Variants in MCUB observed in about 807,000 individuals in gnomAD.
MCUB encodes calcium uniporter regulatory subunit MCUb, mitochondrial.
In MCUB, 46 loss-of-function variants were observed where a neutral mutation model predicts 41.4. The observed-to-expected ratio is 1.11, with a 90% confidence interval of 0.88 to 1.42. MCUB has a LOEUF of 1.42. MCUB is among the 40% of genes most tolerant of loss of function. The pLI, the probability that MCUB is intolerant of heterozygous loss-of-function variation, is 0.00. For synonymous variants in MCUB, 148 were observed against 148.2 expected (o/e 1.00, Z 0.01); for missense variants, 403 against 404.9 (o/e 1.00, Z 0.04).
chr4:109,636,031 C>T (rs1397373955), intron 1 of MCUB, among the ~76,000 whole-genome samples: 2 of 152,140 alleles, frequency 1.3e-5, no homozygotes, highest in African/African-American at 4.8e-5. Context: ...TTGACACTCC[C>T]AACAGTAGTG....
intron 1 of MCUB, among the ~76,000 whole-genome samples, chr4:109,583,183 TC>T (rs1196867492): frequency 3.3e-5 from 5 of 152,224 alleles, no homozygotes; most frequent in Admixed American, 1.3e-4. Flanking sequence ...TACTGATTCT[TC>T]CTATCCATGG....
Position 109,676,281 on chromosome 4 carries a change from A to C in MCUB, c.452-6301A>C, listed in dbSNP as rs866819406. 2.6e-5 allele frequency among the ~76,000 whole-genome samples: 4 copies of C among 152,314 alleles called. No individual in the cohort carries two copies. The South Asian group carries it at 6.2e-4, about 24-fold the overall frequency. On this transcript the variant is annotated intron_variant, in intron 4 of 7. Transcript: ENST00000394650. The stretch of plus-strand genomic sequence containing the variant: ...AGGCTGGGTGTGGTGACTCGCACCT[A>C]TAATCCCGGCACTTTAGGAGGCTGA...
chr4:109,606,132 G>A lies in MCUB; in HGVS notation c.99+45696G>A, dbSNP rs190422159. On this transcript the variant is annotated intron_variant, in intron 1 of 7. Transcript: ENST00000394650. The stretch of plus-strand genomic sequence containing the variant: ...TGGGACTACAGGCACCTGCCACCAC[G>A]CCCAGCTAATATTTTGTATTTTTAG... 3.3e-3 allele frequency among the ~76,000 whole-genome samples: 508 copies of A among 152,022 alleles called. 2 individuals carry two copies. The highest frequency in any genetic ancestry group is 0.012 in the African/African-American group (483 of 41,452).
chr4:109,609,021 A>G (rs1373468700), intron 1 of MCUB, among the ~76,000 whole-genome samples: 3 of 152,082 alleles, frequency 2.0e-5, no homozygotes, highest in Non-Finnish European at 2.9e-5. Context: ...ATTACCAGAC[A>G]GAGACTCTGT....
In MCUB at chr4:109,687,543, A is replaced by ATTCT; in HGVS notation, c.963_966dup (p.Leu323PhefsTer13). 2 of 1,613,044 alleles carry ATTCT rather than the reference A, an allele frequency of 1.2e-6. No individual in the cohort carries two copies. Among genetic ancestry groups the ATTCT allele is most frequent in the Admixed American group, 1.7e-5 (1 of 59,968 alleles). On this transcript the variant is annotated frameshift_variant, in exon 8 of 8. Coordinates refer to ENST00000394650, the MANE Select transcript of MCUB (RefSeq NM_017918.5). LOFTEE classifies it low-confidence loss of function (END_TRUNC). ...AAAGAATCCCTGAAACAGGCGCGTC[A>ATTCT]TTCTCTCTGTTTGCAAATGCAAGTA...
In MCUB at chr4:109,688,534, A is replaced by G. The variant is rs1205386901; in HGVS notation, c.*942A>G. On this transcript the variant is annotated 3_prime_UTR_variant, in exon 8 of 8. Transcript: ENST00000394650. ...ACACAAAATGTGGTAATTCATATGT[A>G]GATGAAATATTAAACATTTAAATGA... is the stretch of plus-strand genomic sequence containing the variant. 2 of 152,262 alleles carry G rather than the reference A, an allele frequency of 1.3e-5. No individual in the cohort carries two copies. The highest frequency in any genetic ancestry group is 2.9e-5 in the Non-Finnish European group (2 of 68,046). 9.4% of individuals were successfully genotyped at this position (152,262 alleles called of 1,614,324 possible). A position where few individuals can be genotyped will look rare whatever the true frequency, so the allele number is the denominator to read the frequency against.
chr4:109,589,465 C>A (rs181930146), intron 1 of MCUB, among the ~76,000 whole-genome samples: 2 of 152,304 alleles, frequency 1.3e-5, no homozygotes, highest in Admixed American at 1.3e-4. Flanking sequence ...AGCCTTCACC[C>A]ACTTACTTTA....
intron 1 of MCUB, among the ~76,000 whole-genome samples, chr4:109,593,652 G>C (rs949207075): frequency 1.3e-5 from 2 of 152,220 alleles, no homozygotes; most frequent in Non-Finnish European, 1.5e-5. Flanking sequence ...AGACTTACTT[G>C]AAAAGCAGCT....
At chr4:109,627,059 AT>A (rs1176440679) in intron 1 of MCUB, among the ~76,000 whole-genome samples, 1 of 152,216 alleles carries the variant, frequency 6.6e-6, no homozygotes, top group Non-Finnish European at 1.5e-5. Context: ...CTAATGTCAT[AT>A]GTTGAATTAG....
At chr4:109,673,522 GTC>G (rs777283933) in intron 4 of MCUB, among the ~76,000 whole-genome samples, 19 of 152,198 alleles carry the variant, frequency 1.2e-4, no homozygotes, top group Non-Finnish European at 2.4e-4. Context: ...GACTTGCCAA[GTC>G]TCACAGTGTA....
At chr4:109,645,005 T>C (rs1272107461) in intron 1 of MCUB, among the ~76,000 whole-genome samples, 2 of 152,200 alleles carry the variant, frequency 1.3e-5, no homozygotes, top group East Asian at 3.8e-4. Context: ...TCGGCATTCC[T>C]GGAGCAACAA....
At chr4:109,644,748 C>A (rs1282625437) in intron 1 of MCUB, among the ~76,000 whole-genome samples, 4 of 152,206 alleles carry the variant, frequency 2.6e-5, no homozygotes, top group African/African-American at 4.8e-5. Context: ...TTCACCATTA[C>A]ACCTAAATTG....
chr4:109,642,960 A>AT (rs1728752950), intron 1 of MCUB, among the ~76,000 whole-genome samples: 1 of 140,908 alleles, frequency 7.1e-6, no homozygotes, highest in South Asian at 2.2e-4. Flanking sequence ...CAATGGCGTA[A>AT]TTTTTTGTAT....
intron 1 of MCUB, among the ~76,000 whole-genome samples, chr4:109,598,366 G>A (rs1211746173): frequency 6.6e-6 from 1 of 152,194 alleles, no homozygotes; most frequent in Non-Finnish European, 1.5e-5. Context: ...GCCGAGGCTG[G>A]CGGATCACTC....
At chr4:109,671,159 G>A (rs1435844061) in intron 4 of MCUB, among the ~76,000 whole-genome samples, 1 of 152,200 alleles carries the variant, frequency 6.6e-6, no homozygotes, top group Non-Finnish European at 1.5e-5. Context: ...TGTTAGGATG[G>A]ACTGACAACT....
chr4:109,664,204 C>A (rs62327695), intron 3 of MCUB, 86 bp from the exon 4 acceptor site: 2 of 733,524 alleles, frequency 2.7e-6, no homozygotes, highest in African/African-American at 1.8e-5. Flanking sequence ...TTGTAAAGAC[C>A]TGGGTTAGTA....
chr4:109,587,104 G>T (rs1727326511), intron 1 of MCUB, among the ~76,000 whole-genome samples: 1 of 152,232 alleles, frequency 6.6e-6, no homozygotes, highest in South Asian at 2.1e-4. Flanking sequence ...GAGCTGCGGT[G>T]GGCTCTGCCC....
chr4:109,671,625 C>CA (rs773449923), intron 4 of MCUB, among the ~76,000 whole-genome samples: 4 of 152,158 alleles, frequency 2.6e-5, no homozygotes, highest in Non-Finnish European at 5.9e-5. Flanking sequence ...TCTGTTCTTG[C>CA]ATATTGTGCA....
chr4:109,568,278 A>C (rs1034706950), intron 1 of MCUB, among the ~76,000 whole-genome samples: 2 of 152,176 alleles, frequency 1.3e-5, no homozygotes, highest in South Asian at 4.1e-4. Flanking sequence ...GACCTTGTAA[A>C]TACCCTTTTA....
Sources: allele counts gnomAD v4.1 joint callset (sites outside exome capture counted in the v4.1 genomes callset), GRCh38; gene constraint gnomAD v4.1.1; transcripts MANE v1.5; gene names NCBI Gene and HGNC (gene_info 2026-07-23, HGNC 2026-07-21).